Variants in COLGALT2 observed in about 807,000 individuals in gnomAD.
The protein encoded by COLGALT2 is procollagen galactosyltransferase 2.
In COLGALT2, 49 loss-of-function variants were observed where a neutral mutation model predicts 73.4. The observed-to-expected ratio is 0.67, with a 90% CI of 0.53 to 0.85. The LOEUF is 0.85. Among genes scored for constraint, COLGALT2 ranks in the 40% least tolerant of loss-of-function variants. The pLI, the probability that COLGALT2 is intolerant of heterozygous loss-of-function variation, is 0.00. For missense variants in COLGALT2, 722 were observed against 790.2 expected (o/e 0.91, Z 1.03); for synonymous variants, 295 against 307.6 (o/e 0.96, Z 0.43).
chr1:184,018,285 AT>A (rs578056096), intron 1 of COLGALT2, among the ~76,000 whole-genome samples: 1 of 147,510 alleles, frequency 6.8e-6, no homozygotes, highest in Non-Finnish European at 1.5e-5. Context: ...GAAAAAAAAA[AT>A]TATATCTGAG....
At chr1:184,004,589 A>G (rs144343672) in intron 1 of COLGALT2, among the ~76,000 whole-genome samples, 123 of 152,362 alleles carry the variant, frequency 8.1e-4, no homozygotes, top group African/African-American at 2.8e-3. Context: ...TATAGTATAC[A>G]TGATACAGAA....
At chr1:183,930,108 C>T in exon 12 of COLGALT2, 2 of 420,622 alleles carry the variant, frequency 4.8e-6, no homozygotes, top group South Asian at 1.7e-5. Flanking sequence ...ATCAACCAGT[C>T]CCCGGGCCCG....
intron 1 of COLGALT2, among the ~76,000 whole-genome samples, chr1:184,020,744 T>G (rs1371837190): frequency 6.6e-6 from 1 of 152,186 alleles, no homozygotes; most frequent in East Asian, 1.9e-4. Context: ...CACCATAAAC[T>G]CTGTGAGAGC....
intron 8 of COLGALT2, 74 bp downstream of exon 8, chr1:183,950,933 G>T (rs1202780112): frequency 2.7e-6 from 3 of 1,114,962 alleles, no homozygotes; most frequent in Non-Finnish European, 4.1e-6. Context: ...GCCCCACCTG[G>T]GACTAACTCT....
intron 1 of COLGALT2, among the ~76,000 whole-genome samples, chr1:184,004,994 T>C (rs1467966575): frequency 6.6e-6 from 1 of 152,228 alleles, no homozygotes; most frequent in Non-Finnish European, 1.5e-5. Context: ...CAAAGAAAGC[T>C]GTCATTTCTT....
intron 1 of COLGALT2, among the ~76,000 whole-genome samples, chr1:184,030,827 A>C (rs1649490753): frequency 6.6e-6 from 1 of 152,266 alleles, no homozygotes; most frequent in African/African-American, 2.4e-5. Flanking sequence ...TTATAAAATA[A>C]TCAGCATTAA....
intron 1 of COLGALT2, among the ~76,000 whole-genome samples, chr1:183,981,336 T>A (rs1671343495): frequency 6.6e-6 from 1 of 152,194 alleles, no homozygotes; most frequent in Non-Finnish European, 1.5e-5. Flanking sequence ...ATTTGTAGGA[T>A]GATTTAAAAT....
chr1:183,980,911 T>A (rs189342971), intron 1 of COLGALT2, among the ~76,000 whole-genome samples: 112 of 152,312 alleles, frequency 7.4e-4, no homozygotes, highest in Non-Finnish European at 1.1e-3. Context: ...CATAATTCAC[T>A]ATGTTTATGG....
At chr1:183,985,067 G>T (rs961809717) in intron 1 of COLGALT2, among the ~76,000 whole-genome samples, 1 of 152,292 alleles carries the variant, frequency 6.6e-6, no homozygotes, top group African/African-American at 2.4e-5. Flanking sequence ...TGTTCCAGAA[G>T]TTAGTTTTCA....
At chr1:183,984,483 T>C (rs542705015) in intron 1 of COLGALT2, among the ~76,000 whole-genome samples, 5 of 152,332 alleles carry the variant, frequency 3.3e-5, no homozygotes, top group East Asian at 1.9e-4. Context: ...TTGAAGGTCA[T>C]GTTGGGACAA....
chr1:183,934,624 T>G (rs1669909982), downstream of COLGALT2, among the ~76,000 whole-genome samples: 2 of 152,248 alleles, frequency 1.3e-5, no homozygotes, highest in South Asian at 4.1e-4. Context: ...GTGAATTAAC[T>G]TCTGTCAGGG....
At chr1:183,962,879 G>A (rs957042896) in intron 6 of COLGALT2, among the ~76,000 whole-genome samples, 2 of 152,172 alleles carry the variant, frequency 1.3e-5, no homozygotes, top group Non-Finnish European at 2.9e-5. Flanking sequence ...CCTTTCAGCT[G>A]AAGCCCAAAT....
intron 1 of COLGALT2, among the ~76,000 whole-genome samples, chr1:183,998,668 C>A (rs1186324294): frequency 6.6e-6 from 1 of 152,058 alleles, no homozygotes; most frequent in Non-Finnish European, 1.5e-5. Flanking sequence ...TGGAGAGAAT[C>A]ATTATCTTTA....
At chr1:183,961,998 C>T (rs942742650) in intron 6 of COLGALT2, among the ~76,000 whole-genome samples, 19 of 152,110 alleles carry the variant, frequency 1.2e-4, no homozygotes, top group Non-Finnish European at 1.8e-4. Context: ...GCATCTACCA[C>T]GTGACAGACA....
intron 8 of COLGALT2, among the ~76,000 whole-genome samples, chr1:183,947,294 C>T (rs1010483199): frequency 1.1e-4 from 17 of 152,176 alleles, no homozygotes; most frequent in Non-Finnish European, 8.8e-5. Context: ...GCCAAATACA[C>T]ACTTTCAAGT....
rs60413881 is a variant in COLGALT2 at position 183,938,374 on chromosome 1, C to A, written c.*387G>T. 8.8e-3 allele frequency: 9,123 copies of A among 1,037,570 alleles called. 607 individuals are homozygous for A. In the African/African-American group the frequency reaches 0.14, roughly 16 times the overall value. 64.3% of individuals were successfully genotyped at this position (1,037,570 alleles called of 1,614,324 possible). ...AATAAGTGTGGTCTAGTTGGCCTGG[C>A]TGCCTTGACTACATATTTGCTGATG... On this transcript the variant is annotated 3_prime_UTR_variant, in exon 12 of 12. Coordinates refer to ENST00000361927, the MANE Select transcript of COLGALT2 (RefSeq NM_015101.4).
At chr1:184,019,248 A>C (rs1649099172) in intron 1 of COLGALT2, among the ~76,000 whole-genome samples, 1 of 151,842 alleles carries the variant, frequency 6.6e-6, no homozygotes, top group South Asian at 2.1e-4. Context: ...CCTGGCAGTT[A>C]TCTCATTTTT....
At position 184,010,497 on chromosome 1, in the gene COLGALT2, C is replaced by A. The variant is rs1572674879; in HGVS notation, c.263+26598G>T. 2.0e-5 allele frequency among the ~76,000 whole-genome samples: 3 copies of A among 152,198 alleles called. No individual in the cohort carries two copies. In the South Asian group the frequency reaches 6.2e-4, roughly 32 times the overall value. ...AAGGCACAGAGGGGCAAGGAGCTAACTGAACTCCAAAGACATCATGGTGAT... is the reference window on the plus strand; with the variant it reads ...AAGGCACAGAGGGGCAAGGAGCTAAATGAACTCCAAAGACATCATGGTGAT... On this transcript the variant is annotated intron_variant, in intron 1 of 11. Transcript: ENST00000361927.
intron 5 of COLGALT2, among the ~76,000 whole-genome samples, chr1:183,968,145 T>C (rs894128199): frequency 2.6e-5 from 4 of 152,212 alleles, no homozygotes; most frequent in Non-Finnish European, 5.9e-5. Context: ...CCCTCAGTTA[T>C]ATGGCCACAG....
Sources: allele counts gnomAD v4.1 joint callset (sites outside exome capture counted in the v4.1 genomes callset), GRCh38; gene constraint gnomAD v4.1.1; transcripts MANE v1.5; gene names NCBI Gene and HGNC (gene_info 2026-07-23, HGNC 2026-07-21).